Variants in KIAA0586 observed in about 807,000 individuals in gnomAD.
KIAA0586 encodes the protein protein TALPID3.
In KIAA0586, 144 loss-of-function variants were observed where a neutral mutation model predicts 169.8. That is an observed-to-expected ratio of 0.85 (90% CI 0.74 to 0.97). The LOEUF (loss-of-function observed/expected upper bound fraction) is 0.97. Among genes scored for constraint, KIAA0586 ranks in the 50% least tolerant of loss-of-function variants. The pLI is 0.00. For missense variants in KIAA0586, 1,854 were observed against 1,823.0 expected (o/e 1.02, Z -0.31); for synonymous variants, 625 against 612.4 (o/e 1.02, Z -0.30).
intron 13 of KIAA0586, 41 bp downstream of exon 13, chr14:58,460,111 A>G: frequency 8.8e-7 from 1 of 1,134,798 alleles, no homozygotes; most frequent in Non-Finnish European, 1.2e-6. Context: ...TTGTTGTGTT[A>G]TAATTGATCA....
At chr14:58,444,342 A>G (rs998809053) in intron 6 of KIAA0586, among the ~76,000 whole-genome samples, 167 bp downstream of exon 6, 2 of 152,176 alleles carry the variant, frequency 1.3e-5, no homozygotes, top group Non-Finnish European at 2.9e-5. Context: ...TCTGAATGTT[A>G]TATCTCAAAT....
At chr14:58,451,200 A>C (rs1171381249) in intron 8 of KIAA0586, among the ~76,000 whole-genome samples, 1 of 151,962 alleles carries the variant, frequency 6.6e-6, no homozygotes. Context: ...CGTGTTAGCC[A>C]GGATGGTCTC....
At chr14:58,487,802 A>G (rs2042564751) in intron 22 of KIAA0586, 85 bp from the exon 23 acceptor site, 1 of 755,914 alleles carries the variant, frequency 1.3e-6, no homozygotes, top group Non-Finnish European at 2.2e-6. Context: ...ATGGTAAGGG[A>G]TATCTGAAGC....
intron 26 of KIAA0586, among the ~76,000 whole-genome samples, chr14:58,497,111 G>T (rs986910160): frequency 2.6e-5 from 4 of 151,520 alleles, no homozygotes; most frequent in Non-Finnish European, 5.9e-5. Context: ...AGTAGCTGGG[G>T]TTACAGGCAT....
the KIAA0586 span, among the ~76,000 whole-genome samples, chr14:58,560,423 A>C: frequency 6.6e-6 from 1 of 152,178 alleles, no homozygotes; most frequent in East Asian, 1.9e-4. Context: ...AGAGCTGTGG[A>C]AAGTATCAGC....
intron 29 of KIAA0586, among the ~76,000 whole-genome samples, chr14:58,539,484 C>T (rs892149058): frequency 6.6e-5 from 10 of 152,154 alleles, no homozygotes; most frequent in Admixed American, 2.0e-4. Context: ...GGCCTGAGAC[C>T]TATATGTGCT....
intron 29 of KIAA0586, among the ~76,000 whole-genome samples, chr14:58,513,690 G>A (rs2044553491): frequency 6.6e-6 from 1 of 151,804 alleles, no homozygotes; most frequent in African/African-American, 2.4e-5. Context: ...ATATCGATAT[G>A]GGCAGATAAA....
chr14:58,442,950 T>C (rs2038529879), intron 5 of KIAA0586, 70 bp downstream of exon 5: 3 of 1,127,278 alleles, frequency 2.7e-6, no homozygotes, highest in Non-Finnish European at 1.3e-6. Context: ...GAACTGATTC[T>C]ATAAATGGTT....
intron 29 of KIAA0586, among the ~76,000 whole-genome samples, chr14:58,523,199 T>C (rs1285775350): frequency 6.6e-6 from 1 of 152,206 alleles, no homozygotes; most frequent in African/African-American, 2.4e-5. Flanking sequence ...ATAACATTTT[T>C]ACTTGTTGGT....
At chr14:58,522,042 C>A in intron 29 of KIAA0586, 2 of 1,042,536 alleles carry the variant, frequency 1.9e-6, no homozygotes, top group South Asian at 1.3e-5. Context: ...TACGTAGGTG[C>A]TTGTCTAAGA....
chr14:58,513,290 A>G (rs942902349), intron 29 of KIAA0586, among the ~76,000 whole-genome samples: 20 of 152,054 alleles, frequency 1.3e-4, no homozygotes, highest in African/African-American at 4.8e-4. Context: ...TTCTGCCCAC[A>G]ATTCTGGAAG....
rs866469207 is a variant in KIAA0586, at chr14:58,430,675, G to T, written c.298G>T (p.Val100Leu). 6.2e-7 allele frequency: 1 copy of T among 1,605,532 alleles called. No homozygotes were observed. Among genetic ancestry groups the T allele is most frequent in the African/African-American group, 1.3e-5 (1 of 74,736 alleles). ...TTTTTCTAAAGACGTTGCAGTGCAA[G>T]TGTTGCCTTTGGATAAAATAGAAGA... ...SDFSKDVAVQ[V>L]LPLDKIEENN... Residue 100 changes from valine to leucine, a missense_variant, in exon 3 of 31, where the codon GTG becomes TTG. Physicochemically the swap from Val to Leu is conservative, Grantham distance 32. Coordinates refer to ENST00000652326, the MANE Select transcript of KIAA0586 (RefSeq NM_001329943.3).
chr14:58,475,125 G>A (rs186867700), intron 19 of KIAA0586, among the ~76,000 whole-genome samples: 2 of 152,332 alleles, frequency 1.3e-5, no homozygotes, highest in African/African-American at 4.8e-5. Context: ...CTAGGCCAGG[G>A]CCACGAACCA....
At position 58,465,933 on chromosome 14, in the gene KIAA0586, C is replaced by A. The variant is rs757373300; in HGVS notation, c.2158C>A (p.His720Asn). 4.3e-6 allele frequency: 7 copies of A among 1,612,626 alleles called. No homozygotes were observed. The African/African-American group carries it at 8.0e-5, about 18-fold the overall frequency. Residue 720 changes from histidine to asparagine, a missense_variant, in exon 15 of 31, where the codon CAT becomes AAT. By Grantham distance (68) the His-to-Asn change is moderately conservative. Transcript: ENST00000652326. Reference sequence around the variant, plus strand: ...GAAACATTCTGTTCCTGTGTTACCTCATGGCGATCAGCAATATTTGTTCAG... The same window carrying A: ...GAAACATTCTGTTCCTGTGTTACCTAATGGCGATCAGCAATATTTGTTCAG... ...KMKHSVPVLP[H>N]GDQQYLFSPS...
chr14:58,514,205 G>A (rs1459771369), intron 29 of KIAA0586, among the ~76,000 whole-genome samples: 4 of 151,944 alleles, frequency 2.6e-5, no homozygotes, highest in African/African-American at 9.7e-5. Flanking sequence ...GATTTTGTGG[G>A]TTTTATTATT....
intron 29 of KIAA0586, chr14:58,521,137 A>G: frequency 1.9e-6 from 1 of 529,338 alleles, no homozygotes; most frequent in Non-Finnish European, 3.4e-6. Context: ...TCAGAATCGA[A>G]TCTCTTCTGC....
intron 28 of KIAA0586, among the ~76,000 whole-genome samples, chr14:58,510,204 A>G (rs1234250477): frequency 6.6e-6 from 1 of 152,132 alleles, no homozygotes; most frequent in Non-Finnish European, 1.5e-5. Context: ...CCCCATCTCT[A>G]CTAAAAATAC....
At chr14:58,458,358 C>T (rs1418105575) in intron 11 of KIAA0586, 115 bp from the exon 12 acceptor site, 6 of 632,782 alleles carry the variant, frequency 9.5e-6, no homozygotes, top group Non-Finnish European at 1.7e-5. Flanking sequence ...CTTTCCTTTT[C>T]AGATGAAAGA....
intron 19 of KIAA0586, 41 bp from the exon 20 acceptor site, chr14:58,477,082 T>C (rs535653304): frequency 1.0e-5 from 11 of 1,078,692 alleles, no homozygotes; most frequent in Non-Finnish European, 1.5e-5. Flanking sequence ...TTCAATCAAA[T>C]TGAGGAATCT....
Sources: allele counts gnomAD v4.1 joint callset (sites outside exome capture counted in the v4.1 genomes callset), GRCh38; gene constraint gnomAD v4.1.1; transcripts MANE v1.5; gene names NCBI Gene and HGNC (gene_info 2026-07-23, HGNC 2026-07-21).